Variants in NINL observed in about 807,000 individuals in gnomAD.
The protein encoded by NINL is ninein like, also known as ninein-like protein.
In NINL, 153 loss-of-function variants were observed where a neutral mutation model predicts 160.3. The ratio of observed to expected loss-of-function variants is 0.95; its 90% confidence interval spans 0.84 to 1.09. The LOEUF is 1.09. Ranked by LOEUF, NINL falls within the 50% of genes least tolerant of loss-of-function variation. The pLI is 0.00. For synonymous variants in NINL, 800 were observed against 734.8 expected, an observed-to-expected ratio of 1.09 and a Z score of -1.43; for missense variants, 1,829 against 1,764.0, an observed-to-expected ratio of 1.04 and a Z score of -0.66.
chr20:25,530,420 T>A (rs943580937), intron 1 of NINL, among the ~76,000 whole-genome samples: 2 of 152,138 alleles, frequency 1.3e-5, no homozygotes, highest in Admixed American at 1.3e-4. Flanking sequence ...ATCTAAGTAT[T>A]CTCAGAGAGA....
intron 1 of NINL, among the ~76,000 whole-genome samples, chr20:25,568,253 C>T (rs1181528487): frequency 6.6e-6 from 1 of 151,150 alleles, no homozygotes; most frequent in Non-Finnish European, 1.5e-5. Flanking sequence ...AGACAAACTG[C>T]CATTATTGGC....
At chr20:25,537,965 G>C (rs2064590001) in intron 1 of NINL, among the ~76,000 whole-genome samples, 1 of 152,172 alleles carries the variant, frequency 6.6e-6, no homozygotes, top group African/African-American at 2.4e-5. Flanking sequence ...CAGGGACCCA[G>C]CCTCTACCCA....
chr20:25,560,285 C>G (rs746862277), intron 1 of NINL, among the ~76,000 whole-genome samples: 5 of 152,170 alleles, frequency 3.3e-5, no homozygotes, highest in Non-Finnish European at 7.3e-5. Context: ...GTGTAATTGA[C>G]AGAAGTTGGT....
intron 3 of NINL, among the ~76,000 whole-genome samples, chr20:25,516,003 T>G (rs1469268412): frequency 6.6e-6 from 1 of 152,156 alleles, no homozygotes; most frequent in Admixed American, 6.5e-5. Flanking sequence ...CTCGATCTCC[T>G]GACCTCGTGA....
At chr20:25,526,128 A>C (rs1300675868) in intron 2 of NINL, among the ~76,000 whole-genome samples, 1 of 151,868 alleles carries the variant, frequency 6.6e-6, no homozygotes, top group African/African-American at 2.4e-5. Flanking sequence ...CCTATACCAA[A>C]CTCCTTCCCC....
At chr20:25,578,169 G>A (rs1243159583) in intron 1 of NINL, among the ~76,000 whole-genome samples, 1 of 150,372 alleles carries the variant, frequency 6.7e-6, no homozygotes, top group Non-Finnish European at 1.5e-5. Context: ...GTGCAGTAGC[G>A]CAATCTTGGC....
intron 1 of NINL, among the ~76,000 whole-genome samples, chr20:25,580,974 G>A (rs925825645): frequency 3.9e-5 from 6 of 152,232 alleles, no homozygotes; most frequent in Non-Finnish European, 7.3e-5. Context: ...CAGCAAAGTG[G>A]CCACAGCGCT....
At chr20:25,498,806 A>G in intron 8 of NINL, 1 of 713,816 alleles carries the variant, frequency 1.4e-6, no homozygotes, top group Non-Finnish European at 1.7e-6. Flanking sequence ...GGGTCCCCAC[A>G]GCAGCCCTCA....
intron 8 of NINL, chr20:25,499,336 G>T (rs933270787): frequency 7.3e-6 from 5 of 686,074 alleles, no homozygotes; most frequent in African/African-American, 5.8e-5. Context: ...GCAGAATTTG[G>T]CAATAATCTA....
intron 1 of NINL, among the ~76,000 whole-genome samples, chr20:25,566,967 AAC>A (rs1174424654): frequency 1.4e-5 from 2 of 141,348 alleles, no homozygotes; most frequent in African/African-American, 5.3e-5. Flanking sequence ...CAGCCTGGGC[AAC>A]ACAGTGAGAC....
intron 16 of NINL, 34 bp from the exon 17 acceptor site, chr20:25,477,123 TGCCGCCCCCA>T: frequency 6.5e-7 from 1 of 1,529,346 alleles, no homozygotes; most frequent in Non-Finnish European, 8.7e-7. Flanking sequence ...ACCACAGCCC[TGCCGCCCCCA>T]GCCCCTCTCT....
At chr20:25,479,246 TA>T in intron 15 of NINL, 40 bp from the exon 16 acceptor site, 1 of 1,554,288 alleles carries the variant, frequency 6.4e-7, no homozygotes, top group Middle Eastern at 1.7e-4. Context: ...CAGGAGACCC[TA>T]AGAATGATCT....
At position 25,552,937 on chromosome 20, in the gene NINL, C is replaced by G. The variant is rs2064822416; in HGVS notation, c.-11-26339G>C. ...TGGCTAGAATCAAAGAAAGGCTGAGCTGAGACACCCAGGGAAAGTGCTGGT... is the reference window on the plus strand; with the variant it reads ...TGGCTAGAATCAAAGAAAGGCTGAGGTGAGACACCCAGGGAAAGTGCTGGT... On this transcript the variant is annotated intron_variant, in intron 1 of 23. Transcript: ENST00000278886. Among the ~76,000 whole-genome samples the G allele has an allele frequency of 2.0e-5, 3 of 152,154 alleles. No individual in the cohort carries two copies. In the South Asian group the frequency reaches 6.2e-4, roughly 32 times the overall value.
intron 2 of NINL, among the ~76,000 whole-genome samples, chr20:25,526,120 T>C (rs1322151886): frequency 6.6e-6 from 1 of 152,220 alleles, no homozygotes; most frequent in Non-Finnish European, 1.5e-5. Flanking sequence ...ACCACTGGCC[T>C]ATACCAAACT....
At chr20:25,465,998 T>G (rs2062904443) in intron 19 of NINL, among the ~76,000 whole-genome samples, 1 of 151,716 alleles carries the variant, frequency 6.6e-6, no homozygotes, top group African/African-American at 2.4e-5. Flanking sequence ...AGAAGTGGAG[T>G]ATCATGACAT....
chr20:25,524,037 T>A (rs900172696), intron 2 of NINL, among the ~76,000 whole-genome samples: 2 of 152,200 alleles, frequency 1.3e-5, no homozygotes, highest in Admixed American at 1.3e-4. Flanking sequence ...ATTGGGTTTC[T>A]TGTAGAAAAA....
rs762645158 is a variant in NINL at position 25,500,966 on chromosome 20, G to A, written c.906C>T (p.Leu302=). ...GGCGCAGGCTGGAGCACAGGGACAC[G>A]AGGGATGAGGTTGTGGTGGTGTGGC... The part of the protein sequence containing the change: ...SGCHTTTTSS[L]VSLCSSLRLF... Residue 302 remains leucine (L), a synonymous_variant, in exon 8 of 24, where the codon CTC becomes CTT. Transcript: ENST00000278886. 16 of 1,614,058 alleles carry A rather than the reference G, an allele frequency of 9.9e-6. No individual in the cohort carries two copies. The highest frequency in any genetic ancestry group is 8.3e-5 in the Admixed American group (5 of 60,006).
intron 1 of NINL, among the ~76,000 whole-genome samples, chr20:25,572,447 T>G (rs1248305089): frequency 6.6e-6 from 1 of 152,158 alleles, no homozygotes; most frequent in African/African-American, 2.4e-5. Flanking sequence ...GATATAAAAC[T>G]TGTATTTCTT....
chr20:25,498,848 G>A (rs930925952), intron 8 of NINL: 15 of 963,630 alleles, frequency 1.6e-5, no homozygotes, highest in Admixed American at 6.2e-5. Context: ...CCAGAGCGGG[G>A]TGTTCCTCCC....
Sources: allele counts gnomAD v4.1 joint callset (sites outside exome capture counted in the v4.1 genomes callset), GRCh38; gene constraint gnomAD v4.1.1; transcripts MANE v1.5; gene names NCBI Gene and HGNC (gene_info 2026-07-23, HGNC 2026-07-21).